The following MEIOC variants were observed in gnomAD, a reference collection of about 807,000 sequenced individuals.
MEIOC encodes meiosis-specific coiled-coil domain-containing protein MEIOC.
In MEIOC, 9 loss-of-function variants were observed where a neutral mutation model predicts 85.3. The observed-to-expected ratio is 0.11, with a 90% CI of 0.06 to 0.18. The LOEUF (loss-of-function observed/expected upper bound fraction) is 0.18. Ranked by LOEUF, MEIOC falls within the 10% of genes least tolerant of loss-of-function variation. The probability of loss-of-function intolerance (pLI) is 1.00; values close to 1 mark genes in which losing one functional copy is unlikely to be tolerated. For missense variants in MEIOC, 898 were observed against 1,129.4 expected (o/e 0.80, Z 2.94); for synonymous variants, 365 against 393.7 (o/e 0.93, Z 0.86).
chr17:44,663,967 G>T (rs1352573029), intron 3 of MEIOC, among the ~76,000 whole-genome samples: 1 of 152,046 alleles, frequency 6.6e-6, no homozygotes, highest in Non-Finnish European at 1.5e-5. Flanking sequence ...ATGTTATGAA[G>T]ATCAATTAAA....
intron 4 of MEIOC, 46 bp downstream of exon 4, chr17:44,665,534 A>G: frequency 1.1e-6 from 1 of 930,118 alleles, no homozygotes; most frequent in Non-Finnish European, 1.5e-6. Flanking sequence ...TTAAACTAAC[A>G]TACACTAGTT....
At chr17:44,669,277 C>A in intron 5 of MEIOC, 106 bp from the exon 6 acceptor site, 1 of 850,516 alleles carries the variant, frequency 1.2e-6, no homozygotes, top group Non-Finnish European at 1.8e-6. Flanking sequence ...ACAGAATTTT[C>A]ATTTAAAGTG....
Position 44,674,156 on chromosome 17 carries a change from G to C in MEIOC, c.2819G>C (p.Ser940Thr). ...AAAGTCCATGAAAGCATAAATAGTA[G>C]CAATCCAATGAACCAGAGAGGTGAA... ...EDKVHESINSSNPMNQRGETN... is the reference protein window; with the variant it reads ...EDKVHESINSTNPMNQRGETN... The change falls in exon 8 of 8, where the codon AGC becomes ACC. Residue 940 changes from serine to threonine, a missense_variant. Physicochemically the swap from Ser to Thr is moderately conservative, Grantham distance 58. Coordinates refer to ENST00000409122, the MANE Select transcript of MEIOC (RefSeq NM_001145080.3). The C allele has an allele frequency of 6.4e-7, 1 of 1,551,600 alleles. No homozygotes were observed. Among genetic ancestry groups the C allele is most frequent in the African/African-American group, 1.4e-5 (1 of 73,150 alleles).
Position 44,667,770 on chromosome 17 carries a change from A to C in MEIOC, c.1859A>C (p.Glu620Ala). 1 of 1,613,898 alleles carries C rather than the reference A, an allele frequency of 6.2e-7. No homozygotes were observed. Among genetic ancestry groups the C allele is most frequent in the Non-Finnish European group, 8.5e-7 (1 of 1,179,828 alleles). Residue 620 changes from glutamate (E) to alanine (A), a missense_variant, in exon 5 of 8, where the codon GAG (glutamate) becomes GCG (alanine). By Grantham distance (107) the Glu-to-Ala change is moderately radical. This residue lies in a region of MEIOC where 734 missense variants were observed against 860.1 expected (regional missense o/e 0.85). Coordinates refer to ENST00000409122, the MANE Select transcript of MEIOC (RefSeq NM_001145080.3). ...CCCCAGAGTGGACATTATGATCCTGAGGAAGGTCCAAAGCATTTAGATGGC... is the reference window on the plus strand; with the variant it reads ...CCCCAGAGTGGACATTATGATCCTGCGGAAGGTCCAAAGCATTTAGATGGC... ...AKPQSGHYDP[E>A]EGPKHLDGLS...
intron 1 of MEIOC, 26 bp from the exon 2 acceptor site, chr17:44,657,101 A>G (rs1422402183): frequency 3.9e-6 from 6 of 1,541,270 alleles, no homozygotes; most frequent in Non-Finnish European, 5.2e-6. Flanking sequence ...CCACTTTCTG[A>G]TATTTCCTAT....
intron 6 of MEIOC, chr17:44,670,954 C>T (rs1033322247): frequency 5.9e-5 from 9 of 151,996 alleles, no homozygotes; most frequent in African/African-American, 2.2e-4. Flanking sequence ...ATTTTCTAAG[C>T]AACTTAGGGT....
chr17:44,666,333 C>A, intron 4 of MEIOC, 43 bp from the exon 5 acceptor site: 3 of 1,462,350 alleles, frequency 2.1e-6, no homozygotes, highest in African/African-American at 2.9e-5. Context: ...GAAATAAAGT[C>A]TTTAAAACCT....
chr17:44,669,561 A>AC (rs1971968651), intron 6 of MEIOC, 44 bp downstream of exon 6: 1 of 1,546,168 alleles, frequency 6.5e-7, no homozygotes, highest in African/African-American at 1.4e-5. Context: ...TTTTTGTTAA[A>AC]TTTTTTTTAA....
chr17:44,662,228 T>C, intron 2 of MEIOC, 89 bp from the exon 3 acceptor site: 1 of 1,002,832 alleles, frequency 1.0e-6, no homozygotes, highest in Non-Finnish European at 1.5e-6. Flanking sequence ...AACTCTTACA[T>C]CTGTGTTATT....
At chr17:44,660,898 G>T (rs1179302856) in intron 2 of MEIOC, among the ~76,000 whole-genome samples, 1 of 151,084 alleles carries the variant, frequency 6.6e-6, no homozygotes, top group African/African-American at 2.4e-5. Flanking sequence ...TTTAAGACCA[G>T]CCTGGGCAAC....
At chr17:44,673,680 C>A (rs1000861270) in intron 7 of MEIOC, 134 bp downstream of exon 7, 3 of 807,074 alleles carry the variant, frequency 3.7e-6, no homozygotes, top group Admixed American at 6.2e-5. Flanking sequence ...TAAATAATCT[C>A]CACATTATTT....
chr17:44,667,496 A>G lies in MEIOC; in HGVS notation c.1585A>G (p.Ser529Gly). The G allele has an allele frequency of 6.2e-7, 1 of 1,613,954 alleles. No individual in the cohort carries two copies. Among genetic ancestry groups the G allele is most frequent in the Non-Finnish European group, 8.5e-7 (1 of 1,179,872 alleles). ...QLSSTNLTPN[S>G]NLFQKYCQEN... Reference sequence around the variant, plus strand: ...ATCATCCACAAACTTAACCCCAAATAGCAATTTATTTCAGAAATATTGCCA... The same window carrying G: ...ATCATCCACAAACTTAACCCCAAATGGCAATTTATTTCAGAAATATTGCCA... Residue 529 changes from serine (S) to glycine (G), a missense_variant, in exon 5 of 8, where the codon AGC becomes GGC. Ser to Gly is a moderately conservative substitution (Grantham distance 56). Coordinates refer to ENST00000409122, the MANE Select transcript of MEIOC (RefSeq NM_001145080.3).
At chr17:44,669,296 C>T in intron 5 of MEIOC, 87 bp from the exon 6 acceptor site, 3 of 1,065,726 alleles carry the variant, frequency 2.8e-6, no homozygotes, top group Non-Finnish European at 4.1e-6. Flanking sequence ...TGGTAATACT[C>T]TATTTATTAG....
Position 44,667,263 on chromosome 17 carries a change from A to G in MEIOC, c.1352A>G (p.His451Arg), listed in dbSNP as rs765587108. 5 of 1,613,782 alleles carry G rather than the reference A, an allele frequency of 3.1e-6. No individual in the cohort carries two copies. Among genetic ancestry groups the G allele is most frequent in the Non-Finnish European group, 4.2e-6 (5 of 1,179,868 alleles). ...KQQFAKPDPP[H>R]SEYFKSVNLL... is the part of the protein sequence containing the mutation. ...CAGTTTGCTAAACCTGATCCCCCAC[A>G]TTCTGAGTATTTTAAATCAGTGAAT... The change falls in exon 5 of 8, where the codon CAT becomes CGT. Residue 451 changes from histidine to arginine, a missense_variant. Coordinates refer to ENST00000409122, the MANE Select transcript of MEIOC (RefSeq NM_001145080.3).
intron 4 of MEIOC, among the ~76,000 whole-genome samples, 186 bp from the exon 5 acceptor site, chr17:44,666,189 AC>A (rs2144665777): frequency 6.6e-6 from 1 of 152,346 alleles, no homozygotes; most frequent in East Asian, 1.9e-4. Flanking sequence ...TATGTAACAT[AC>A]AGCACATTTC....
intron 3 of MEIOC, among the ~76,000 whole-genome samples, chr17:44,664,084 T>C (rs919741006): frequency 1.3e-5 from 2 of 152,076 alleles, no homozygotes; most frequent in African/African-American, 4.8e-5. Context: ...TAAAACAATG[T>C]ACAGGGCCGG....
At chr17:44,671,833 C>G (rs1972016521) in intron 6 of MEIOC, among the ~76,000 whole-genome samples, 2 of 150,398 alleles carry the variant, frequency 1.3e-5, no homozygotes, top group Admixed American at 1.3e-4. Flanking sequence ...GTGAACCTGG[C>G]AGACGGAGCT....
In MEIOC at chr17:44,657,153, G is replaced by C; in HGVS notation, c.96G>C (p.Ala32=). 1 of 1,551,204 alleles carries C rather than the reference G, an allele frequency of 6.4e-7. No homozygotes were observed. ...LEPKVAFPGG[A]NRCWNLGADA... is the part of the protein sequence containing the mutation. ...CCAAAGTCGCGTTCCCCGGAGGTGCGAATCGCTGTTGGAACCTCGGCGCCG... is the reference window on the plus strand; with the variant it reads ...CCAAAGTCGCGTTCCCCGGAGGTGCCAATCGCTGTTGGAACCTCGGCGCCG... The change falls in exon 2 of 8, where the codon GCG becomes GCC. Residue 32 remains alanine, a synonymous_variant. Transcript: ENST00000409122.
chr17:44,668,519 A>T (rs1430747445), intron 5 of MEIOC, among the ~76,000 whole-genome samples: 1 of 152,094 alleles, frequency 6.6e-6, no homozygotes, highest in Non-Finnish European at 1.5e-5. Context: ...TTTTGTAGAC[A>T]TTAGGTTTCA....
Sources: allele counts gnomAD v4.1 joint callset (sites outside exome capture counted in the v4.1 genomes callset), GRCh38; gene constraint gnomAD v4.1.1; regional missense constraint gnomAD v4.1.1; transcripts MANE v1.5; gene names NCBI Gene and HGNC (gene_info 2026-07-23, HGNC 2026-07-21).